The following SLC14A2 variants were observed in gnomAD, a reference collection of about 807,000 sequenced individuals.
SLC14A2 encodes solute carrier family 14 member 2.
A neutral mutation model predicts 104.6 loss-of-function variants in SLC14A2; 91 were observed. The observed-to-expected ratio is 0.87, with a 90% CI of 0.73 to 1.04. SLC14A2 has a LOEUF of 1.04. Ranked by LOEUF, SLC14A2 falls within the 50% of genes least tolerant of loss-of-function variation. The pLI, the probability that SLC14A2 is intolerant of heterozygous loss-of-function variation, is 0.00. For missense variants in SLC14A2, 1,189 were observed against 1,156.0 expected, an observed-to-expected ratio of 1.03 and a Z score of -0.41; for synonymous variants, 476 against 466.4, an observed-to-expected ratio of 1.02 and a Z score of -0.27.
At chr18:45,292,050 A>G (rs2084875103) in intron 1 of SLC14A2, among the ~76,000 whole-genome samples, 1 of 152,090 alleles carries the variant, frequency 6.6e-6, no homozygotes, top group South Asian at 2.1e-4. Flanking sequence ...CAGTGTATGC[A>G]CTGTATTAGA....
At chr18:45,498,673 A>T (rs563949282) in intron 2 of SLC14A2, among the ~76,000 whole-genome samples, 22 of 152,186 alleles carry the variant, frequency 1.4e-4, no homozygotes, top group African/African-American at 4.6e-4. Context: ...TCTCCTAATT[A>T]GGCTCCTTCT....
At chr18:45,272,649 G>A (rs1347435113) in intron 1 of SLC14A2, among the ~76,000 whole-genome samples, 1 of 151,944 alleles carries the variant, frequency 6.6e-6, no homozygotes, top group Non-Finnish European at 1.5e-5. Context: ...GATGGTTAAT[G>A]GGTACAAAAA....
chr18:45,641,977 C>T (rs2045535932), intron 8 of SLC14A2, among the ~76,000 whole-genome samples: 1 of 152,208 alleles, frequency 6.6e-6, no homozygotes, highest in Admixed American at 6.5e-5. Flanking sequence ...CTTAATCCCC[C>T]CAAGAATACC....
rs546860151 is a variant in SLC14A2, at chr18:45,425,462, T to A, written c.-124-57771T>A. 9.2e-5 allele frequency among the ~76,000 whole-genome samples: 14 copies of A among 152,324 alleles called. No individual in the cohort carries two copies. The South Asian group carries it at 2.7e-3, about 29-fold the overall frequency. ...CCATGATTCTGCATGCTCCTCCACC[T>A]GAGAACTGTATCCTTGGTTCTGTCC... is the stretch of plus-strand genomic sequence containing the variant. On this transcript the variant is annotated intron_variant, in intron 1 of 20. Transcript: ENST00000586448.
At chr18:45,392,797 A>G (rs2085985497) in intron 1 of SLC14A2, among the ~76,000 whole-genome samples, 2 of 152,192 alleles carry the variant, frequency 1.3e-5, no homozygotes, top group Non-Finnish European at 2.9e-5. Context: ...GAATTAATCT[A>G]TGTTCTTTTT....
chr18:45,669,606 A>T, intron 16 of SLC14A2, 108 bp downstream of exon 16: 1 of 893,414 alleles, frequency 1.1e-6, no homozygotes, highest in Non-Finnish European at 1.8e-6. Flanking sequence ...TTTAACAATT[A>T]CACAGTACCA....
At chr18:45,284,308 G>C (rs2144149439) in intron 1 of SLC14A2, among the ~76,000 whole-genome samples, 1 of 152,294 alleles carries the variant, frequency 6.6e-6, no homozygotes, top group South Asian at 2.1e-4. Flanking sequence ...TTGTTTCCCA[G>C]ATTTCCATGA....
intron 1 of SLC14A2, among the ~76,000 whole-genome samples, chr18:45,321,115 C>G (rs1333448620): frequency 1.3e-5 from 2 of 152,182 alleles, no homozygotes; most frequent in Non-Finnish European, 2.9e-5. Flanking sequence ...ACTATTTGGT[C>G]TAAGGATCGA....
At chr18:45,248,565 C>T (rs138212648) in intron 1 of SLC14A2, among the ~76,000 whole-genome samples, 13 of 152,134 alleles carry the variant, frequency 8.5e-5, no homozygotes, top group African/African-American at 1.4e-4. Context: ...CTCAATTTCC[C>T]GACAAGCAGT....
intron 1 of SLC14A2, among the ~76,000 whole-genome samples, chr18:45,620,385 TGA>T (rs1336401906): frequency 2.6e-5 from 4 of 152,242 alleles, no homozygotes; most frequent in South Asian, 2.1e-4. Flanking sequence ...TGGAAAATGC[TGA>T]GAGCAACATA....
chr18:45,282,910 G>A (rs767107641), intron 1 of SLC14A2, among the ~76,000 whole-genome samples: 3 of 151,478 alleles, frequency 2.0e-5, no homozygotes, highest in Non-Finnish European at 4.4e-5. Context: ...CTTTGTGATT[G>A]TACTGAGTTT....
intron 2 of SLC14A2, among the ~76,000 whole-genome samples, chr18:45,505,788 T>C (rs114036180): frequency 1.8e-3 from 271 of 152,290 alleles, no homozygotes; most frequent in African/African-American, 5.8e-3. Flanking sequence ...TTTATTTGTA[T>C]GAGCCGATGT....
intron 1 of SLC14A2, among the ~76,000 whole-genome samples, chr18:45,439,851 G>A (rs972238053): frequency 2.6e-5 from 4 of 152,158 alleles, no homozygotes; most frequent in Non-Finnish European, 5.9e-5. Flanking sequence ...TTTACACCTG[G>A]AAAGTCTTCC....
At chr18:45,425,132 C>T (rs150317043) in intron 1 of SLC14A2, among the ~76,000 whole-genome samples, 34 of 152,248 alleles carry the variant, frequency 2.2e-4, no homozygotes, top group East Asian at 7.7e-4. Context: ...TTTCAAGGCA[C>T]GAATAAAAGT....
At chr18:45,609,221 A>G (rs6507626) in intron 2 of SLC14A2, among the ~76,000 whole-genome samples, 81,217 of 151,702 alleles carry the variant, frequency 0.54, 22,116 homozygotes, top group East Asian at 0.7. Flanking sequence ...CTGCCATCAC[A>G]CCTACTGCTC....
intron 2 of SLC14A2, 26 bp from the exon 3 acceptor site, chr18:45,625,657 G>T: frequency 6.6e-7 from 1 of 1,512,974 alleles, no homozygotes. Flanking sequence ...TGTATCATTT[G>T]ATGTCTGGTT....
intron 2 of SLC14A2, among the ~76,000 whole-genome samples, chr18:45,521,336 A>C (rs1317218453): frequency 2.0e-5 from 3 of 152,212 alleles, no homozygotes; most frequent in Non-Finnish European, 2.9e-5. Context: ...GCATTGTGCT[A>C]AGGACTACTG....
At chr18:45,408,623 A>G (rs960009106) in intron 1 of SLC14A2, among the ~76,000 whole-genome samples, 1 of 152,198 alleles carries the variant, frequency 6.6e-6, no homozygotes, top group Non-Finnish European at 1.5e-5. Flanking sequence ...TTAAATGTGG[A>G]TTAATGAGGC....
chr18:45,227,340 G>A (rs2084129638), intron 1 of SLC14A2, among the ~76,000 whole-genome samples: 1 of 152,212 alleles, frequency 6.6e-6, no homozygotes, highest in Non-Finnish European at 1.5e-5. Flanking sequence ...CAAGAATGAT[G>A]AGAGTATCTC....
Sources: allele counts gnomAD v4.1 joint callset (sites outside exome capture counted in the v4.1 genomes callset), GRCh38; gene constraint gnomAD v4.1.1; transcripts MANE v1.5; gene names NCBI Gene and HGNC (gene_info 2026-07-23, HGNC 2026-07-21).